Variants in C12orf54 observed in about 807,000 individuals in gnomAD.
C12orf54 encodes uncharacterized protein C12orf54.
C12orf54 carries 24 observed loss-of-function variants against 26.4 expected under a neutral mutation model. The observed-to-expected ratio is 0.91, with a 90% CI of 0.66 to 1.28. The LOEUF is 1.28. Among genes scored for constraint, C12orf54 ranks in the 50% most tolerant of loss-of-function variants. C12orf54 has a pLI of 0.00. For synonymous variants in C12orf54, 54 were observed against 47.0 expected (o/e 1.15, Z -0.61); for missense variants, 154 against 150.9 (o/e 1.02, Z -0.11).
At chr12:48,481,747 T>C (rs1208528726), upstream of C12orf54, among the ~76,000 whole-genome samples, 1 of 152,160 alleles carries the variant, frequency 6.6e-6, no homozygotes, top group Non-Finnish European at 1.5e-5. Flanking sequence ...GGGCAGGCTA[T>C]GGGACCTGAA....
At chr12:48,474,517 C>T in the C12orf54 span, among the ~76,000 whole-genome samples, 2,671 of 152,260 alleles carry the variant, frequency 0.018, 35 homozygotes, top group Non-Finnish European at 0.026. Flanking sequence ...ACAGATGGCA[C>T]CTGGAAAATC....
chr12:48,436,866 A>C, the C12orf54 span, among the ~76,000 whole-genome samples: 1 of 152,252 alleles, frequency 6.6e-6, no homozygotes, highest in Admixed American at 6.5e-5. Flanking sequence ...AAGAGCAAAC[A>C]CATTCAAAAG....
At position 48,494,057 on chromosome 12, in the gene C12orf54, A is replaced by G. The variant is rs191396339; in HGVS notation, c.243-741A>G. 9.5e-4 allele frequency among the ~76,000 whole-genome samples: 103 copies of G among 108,570 alleles called. 20 individuals carry two copies. Among genetic ancestry groups the G allele is most frequent in the South Asian group, 5.4e-3 (15 of 2,766 alleles). 71.2% of individuals were successfully genotyped at this position (108,570 alleles called of 152,430 possible). On this transcript the variant is annotated intron_variant, in intron 7 of 8. Coordinates refer to ENST00000548364, the MANE Select transcript of C12orf54 (RefSeq NM_152319.4). ...AACACAGTGAAACCCCGTCTCTACT[A>G]AAAATACAAAAATTAGCTGGGCGTG...
the C12orf54 span, among the ~76,000 whole-genome samples, chr12:48,429,221 G>T: frequency 6.6e-6 from 1 of 152,036 alleles, no homozygotes; most frequent in Admixed American, 6.6e-5. Context: ...ATACTGAATG[G>T]GGAAAAGTTG....
the C12orf54 span, among the ~76,000 whole-genome samples, chr12:48,471,323 C>T: frequency 6.6e-6 from 1 of 152,170 alleles, no homozygotes; most frequent in African/African-American, 2.4e-5. Context: ...ATATGCACCA[C>T]ATTTTCTTTA....
the C12orf54 span, among the ~76,000 whole-genome samples, chr12:48,445,443 T>G: frequency 6.6e-6 from 1 of 152,196 alleles, no homozygotes; most frequent in African/African-American, 2.4e-5. Flanking sequence ...ATAGGGGATA[T>G]CCATAATTAA....
the C12orf54 span, among the ~76,000 whole-genome samples, chr12:48,465,714 C>A: frequency 6.6e-6 from 1 of 152,022 alleles, no homozygotes; most frequent in South Asian, 2.1e-4. Flanking sequence ...ACATACACAC[C>A]ATGATACTAT....
At chr12:48,433,470 C>T in the C12orf54 span, among the ~76,000 whole-genome samples, 1 of 122,822 alleles carries the variant, frequency 8.1e-6, no homozygotes, top group South Asian at 2.7e-4. Flanking sequence ...GGGGGGGGGG[C>T]AGGATCTTGC....
Position 48,489,094 on chromosome 12 carries a change from AGAGT to A in C12orf54, c.168+139_168+142del, listed in dbSNP as rs774385441. ...ATTTTTCTAGTGATTTCTCCCTTAAAGAGTACCACTGACTTGTCAGTCCAGGCGG... is the reference window on the plus strand; with the variant it reads ...ATTTTTCTAGTGATTTCTCCCTTAAAACCACTGACTTGTCAGTCCAGGCGG... On this transcript the variant is annotated intron_variant, in intron 5 of 8. Transcript: ENST00000548364. 3.6e-5 allele frequency: 32 copies of A among 885,932 alleles called. No individual in the cohort carries two copies. In the African/African-American group the frequency reaches 5.3e-4, roughly 15 times the overall value. The allele number at this position is 885,932 out of a possible 1,614,324, so 54.9% of individuals were successfully genotyped here.
intron 5 of C12orf54, among the ~76,000 whole-genome samples, chr12:48,489,864 G>T (rs956921724): frequency 2.0e-5 from 3 of 152,002 alleles, no homozygotes; most frequent in Non-Finnish European, 4.4e-5. Flanking sequence ...TGGGATTACA[G>T]GTATGTGCCA....
chr12:48,429,292 A>G, the C12orf54 span, among the ~76,000 whole-genome samples: 1 of 152,172 alleles, frequency 6.6e-6, no homozygotes, highest in South Asian at 2.1e-4. Context: ...ACTCCTCTTC[A>G]GCATAGTTCT....
the C12orf54 span, among the ~76,000 whole-genome samples, chr12:48,457,283 GT>G: frequency 0.099 from 13,939 of 140,392 alleles, 1,158 homozygotes; most frequent in East Asian, 0.39. Context: ...TGTTGTTGTT[GT>G]TGGTGGTGGT....
the C12orf54 span, among the ~76,000 whole-genome samples, chr12:48,430,985 A>G: frequency 3.3e-5 from 5 of 152,378 alleles, no homozygotes; most frequent in East Asian, 9.6e-4. Flanking sequence ...GAATCAATTA[A>G]TGGCATTCAC....
chr12:48,446,009 G>A, the C12orf54 span, among the ~76,000 whole-genome samples: 1 of 152,194 alleles, frequency 6.6e-6, no homozygotes, highest in Non-Finnish European at 1.5e-5. Context: ...AAGAATGGCA[G>A]GAAGTAGTAG....
At chr12:48,488,493 A>AC in intron 4 of C12orf54, 1 of 381,808 alleles carries the variant, frequency 2.6e-6, no homozygotes, top group South Asian at 2.1e-5. Context: ...AAAAAAAAAA[A>AC]AAGAAAGAAA....
At position 48,491,890 on chromosome 12, in the gene C12orf54, G is replaced by C. The variant is rs1937797272; in HGVS notation, c.193+1054G>C. On this transcript the variant is annotated intron_variant, in intron 6 of 8. Coordinates refer to ENST00000548364, the MANE Select transcript of C12orf54 (RefSeq NM_152319.4). ...CAGATTCTTATTCAGTAAGTCTAGGGTAGGCTTGAATTCTGAGATCTGAGG... is the reference window on the plus strand; with the variant it reads ...CAGATTCTTATTCAGTAAGTCTAGGCTAGGCTTGAATTCTGAGATCTGAGG... Among the ~76,000 whole-genome samples, 3 of 152,252 alleles carry C rather than the reference G, an allele frequency of 2.0e-5. No homozygotes were observed. In the South Asian group the frequency reaches 6.2e-4, roughly 32 times the overall value.
chr12:48,475,164 C>A, the C12orf54 span, among the ~76,000 whole-genome samples: 2 of 152,172 alleles, frequency 1.3e-5, no homozygotes, highest in Admixed American at 1.3e-4. Context: ...TAGCAAACTC[C>A]AACAGACCTG....
chr12:48,415,546 G>A, the C12orf54 span, among the ~76,000 whole-genome samples: 2 of 151,826 alleles, frequency 1.3e-5, no homozygotes, highest in Non-Finnish European at 2.9e-5. Context: ...TGGCTTTTGT[G>A]ATACAAAAAT....
chr12:48,431,803 G>A, the C12orf54 span, among the ~76,000 whole-genome samples: 4 of 152,064 alleles, frequency 2.6e-5, no homozygotes, highest in Non-Finnish European at 5.9e-5. Context: ...GGAATTCTAG[G>A]GCCAAGAATG....
Sources: gnomAD v4.1 joint callset for allele counts (sites outside exome capture counted in the v4.1 genomes callset) on GRCh38, gnomAD v4.1.1 for gene constraint, MANE v1.5 for transcripts, NCBI Gene and HGNC (gene_info 2026-07-23, HGNC 2026-07-21) for gene names.